EPB41: variants seen among roughly 807,000 people sequenced by gnomAD.
EPB41 encodes the protein protein 4.1.
Under a neutral mutation model 108.0 loss-of-function variants are expected in EPB41, and 65 were observed. The ratio of observed to expected loss-of-function variants is 0.60; its 90% CI spans 0.49 to 0.74. The LOEUF is 0.74. Ranked by LOEUF, EPB41 falls within the 30% of genes least tolerant of loss-of-function variation. EPB41 has a pLI of 0.00. For missense variants in EPB41, 875 were observed against 1,037.0 expected, an observed-to-expected ratio of 0.84 and a Z score of 2.15; for synonymous variants, 336 against 358.9, an observed-to-expected ratio of 0.94 and a Z score of 0.72.
chr1:28,920,307 T>G (rs1246261904), intron 1 of EPB41, among the ~76,000 whole-genome samples: 1 of 152,202 alleles, frequency 6.6e-6, no homozygotes, highest in Non-Finnish European at 1.5e-5. Flanking sequence ...TGGAAATAGG[T>G]GGAAATAATC....
rs182248374 is a variant in EPB41 at position 28,971,223 on chromosome 1, G to A, written c.-7-16208G>A. Among the ~76,000 whole-genome samples, 388 of 112,360 alleles carry A rather than the reference G, an allele frequency of 3.5e-3. 13 individuals carry two copies. The highest frequency in any genetic ancestry group is 8.4e-4 in the East Asian group (3 of 3,576). The allele number at this position is 112,360 out of a possible 152,430, so 73.7% of individuals were successfully genotyped here. A position where few individuals can be genotyped will look rare whatever the true frequency, so the allele number is the denominator to read the frequency against. ...TTTTTTGGGACAGTGTCCCTCTGTCGCCCAGGCTGGAGTGCAGTGGCGCGA... is the reference window on the plus strand; with the variant it reads ...TTTTTTGGGACAGTGTCCCTCTGTCACCCAGGCTGGAGTGCAGTGGCGCGA... On this transcript the variant is annotated intron_variant, in intron 1 of 20. Coordinates refer to ENST00000343067, the MANE Select transcript of EPB41 (RefSeq NM_001376013.1).
intron 1 of EPB41, among the ~76,000 whole-genome samples, chr1:28,984,077 G>A (rs549267908): frequency 5.3e-5 from 8 of 152,230 alleles, no homozygotes; most frequent in South Asian, 2.1e-4. Context: ...ATCTCCAGCC[G>A]AATTCTTCTC....
At chr1:28,900,343 AG>A (rs138329841) in intron 1 of EPB41, among the ~76,000 whole-genome samples, 8,792 of 149,274 alleles carry the variant, frequency 0.059, 689 homozygotes, top group African/African-American at 0.18. Flanking sequence ...GCTGGAGTGC[AG>A]TGGCATGACC....
chr1:28,896,174 T>C (rs1184685741), intron 1 of EPB41, among the ~76,000 whole-genome samples: 1 of 152,214 alleles, frequency 6.6e-6, no homozygotes, highest in African/African-American at 2.4e-5. Flanking sequence ...TTAGGCTTCT[T>C]GTGAGGATTA....
chr1:28,981,286 C>T (rs929601712), intron 1 of EPB41, among the ~76,000 whole-genome samples: 1 of 152,080 alleles, frequency 6.6e-6, no homozygotes, highest in African/African-American at 2.4e-5. Flanking sequence ...ATATGCATAA[C>T]ACAAAAGATG....
At chr1:28,889,703 A>C in intron 1 of EPB41, 1 of 577,496 alleles carries the variant, frequency 1.7e-6, no homozygotes, top group Non-Finnish European at 2.2e-6. Context: ...GGTGAGACAG[A>C]GGCTGGGGTG....
chr1:28,914,357 C>A (rs752884486), upstream of EPB41, among the ~76,000 whole-genome samples: 1 of 152,234 alleles, frequency 6.6e-6, no homozygotes, highest in Non-Finnish European at 1.5e-5. Context: ...CTCTCTTTTT[C>A]GTTCCCCTCT....
In EPB41 at chr1:29,018,218, C is replaced by T. The variant is rs764617458; in HGVS notation, c.906-6C>T. 6.2e-7 allele frequency: 1 copy of T among 1,612,856 alleles called. No individual in the cohort carries two copies. The highest frequency in any genetic ancestry group is 8.5e-7 in the Non-Finnish European group (1 of 1,179,372). ...CTGACATAACATTTTTCTCTTTTGG[C>T]TGTAGATATTATTTATGTCTTCAGC... On this transcript the variant is annotated splice_region_variant and splice_polypyrimidine_tract_variant and intron_variant, in intron 6 of 20. Coordinates refer to ENST00000343067, the MANE Select transcript of EPB41 (RefSeq NM_001376013.1). The surrounding 1 kb of genome is among the most constrained non-coding windows in gnomAD (Gnocchi z 4.4).
intron 17 of EPB41, among the ~76,000 whole-genome samples, chr1:29,104,013 A>G (rs1002730448): frequency 2.0e-5 from 3 of 152,114 alleles, no homozygotes; most frequent in Non-Finnish European, 2.9e-5. Flanking sequence ...TAGAGTGGGG[A>G]AGAGTGTTGA....
chr1:29,011,976 C>T (rs898233240), intron 5 of EPB41, 69 bp downstream of exon 5: 1 of 1,553,652 alleles, frequency 6.4e-7, no homozygotes, highest in Admixed American at 1.7e-5. Context: ...CCAACCATTT[C>T]TGGCTGTGAG....
At chr1:29,030,626 G>A in intron 8 of EPB41, 139 bp downstream of exon 8, 1 of 730,978 alleles carries the variant, frequency 1.4e-6, no homozygotes, top group Non-Finnish European at 2.4e-6. Context: ...AAAAGAGATA[G>A]TAGACTGGGC....
chr1:28,906,877 G>A (rs203301), intron 1 of EPB41, among the ~76,000 whole-genome samples: 18,487 of 150,754 alleles, frequency 0.12, 1,563 homozygotes, highest in African/African-American at 0.25. Context: ...ACGGGTTCAC[G>A]CCATTCTCCT....
intron 4 of EPB41, among the ~76,000 whole-genome samples, chr1:29,000,178 A>C (rs1214456077): frequency 6.6e-6 from 1 of 151,510 alleles, no homozygotes; most frequent in Admixed American, 6.6e-5. Flanking sequence ...TGCTCACTGC[A>C]ATCTCCACCT....
intron 1 of EPB41, among the ~76,000 whole-genome samples, chr1:28,979,926 G>C (rs1489634389): frequency 2.0e-5 from 3 of 152,176 alleles, no homozygotes; most frequent in Admixed American, 6.5e-5. Context: ...TGCAATCAAG[G>C]CTTCTAAAAG....
intron 1 of EPB41, among the ~76,000 whole-genome samples, chr1:28,933,792 A>G (rs1352354387): frequency 6.6e-6 from 1 of 152,166 alleles, no homozygotes; most frequent in Non-Finnish European, 1.5e-5. Flanking sequence ...TGGGCAAAGC[A>G]AGACCTAGTC....
intron 16 of EPB41, among the ~76,000 whole-genome samples, chr1:29,078,784 A>C (rs1655165780): frequency 6.6e-6 from 1 of 152,136 alleles, no homozygotes; most frequent in Admixed American, 6.5e-5. Flanking sequence ...TGTAACCACC[A>C]CAGCACCCCG....
chr1:29,075,577 G>A, intron 16 of EPB41, among the ~76,000 whole-genome samples: 1 of 152,184 alleles, frequency 6.6e-6, no homozygotes, highest in Non-Finnish European at 1.5e-5. Flanking sequence ...TTGAAAGATT[G>A]AAAGGTAGGG....
intron 16 of EPB41, among the ~76,000 whole-genome samples, chr1:29,067,324 C>T (rs1335419987): frequency 2.6e-5 from 4 of 151,776 alleles, no homozygotes; most frequent in Admixed American, 6.6e-5. Flanking sequence ...GGTGAAACCC[C>T]GTCTCTACTA....
chr1:29,026,252 A>G (rs1220963496), intron 7 of EPB41, among the ~76,000 whole-genome samples: 1 of 152,230 alleles, frequency 6.6e-6, no homozygotes, highest in African/African-American at 2.4e-5. Context: ...AATGGGAGCC[A>G]GGTTTCTCAC....
Sources: allele counts gnomAD v4.1 joint callset (sites outside exome capture counted in the v4.1 genomes callset), GRCh38; gene constraint gnomAD v4.1.1; non-coding constraint Gnocchi (gnomAD v3.1); transcripts MANE v1.5; gene names NCBI Gene and HGNC (gene_info 2026-07-23, HGNC 2026-07-21).